GRID2: variants seen among roughly 807,000 people sequenced by gnomAD.
GRID2 encodes glutamate receptor ionotropic, delta-2.
Under a neutral mutation model 114.8 loss-of-function variants are expected in GRID2, and 33 were observed. The ratio of observed to expected loss-of-function variants is 0.29; its 90% CI spans 0.22 to 0.38. The LOEUF (loss-of-function observed/expected upper bound fraction) is 0.38, where lower values mean the gene tolerates loss of function less well. Ranked by LOEUF, GRID2 falls within the 10% of genes least tolerant of loss-of-function variation. The pLI is 1.00. For synonymous variants in GRID2, 505 were observed against 449.9 expected, an observed-to-expected ratio of 1.12 and a Z score of -1.55; for missense variants, 1,184 against 1,257.7, an observed-to-expected ratio of 0.94 and a Z score of 0.89.
intron 2 of GRID2, among the ~76,000 whole-genome samples, chr4:92,943,630 A>G (rs1035705638): frequency 6.6e-6 from 1 of 152,156 alleles, no homozygotes; most frequent in Admixed American, 6.5e-5. Flanking sequence ...GAGGAGCTGC[A>G]TTCCTTTGGA....
intron 1 of GRID2, among the ~76,000 whole-genome samples, chr4:92,543,935 T>G (rs1283455976): frequency 2.0e-5 from 3 of 152,180 alleles, no homozygotes; most frequent in African/African-American, 7.2e-5. Flanking sequence ...GAACCAGTTA[T>G]CCTAAGGGCT....
chr4:92,967,838 TA>T (rs1753257805), intron 2 of GRID2, among the ~76,000 whole-genome samples: 1 of 151,898 alleles, frequency 6.6e-6, no homozygotes, highest in African/African-American at 2.4e-5. Flanking sequence ...TGAGCAGCAA[TA>T]ATTCTCCTTG....
At chr4:92,831,557 T>C (rs1742104336) in intron 2 of GRID2, among the ~76,000 whole-genome samples, 1 of 151,814 alleles carries the variant, frequency 6.6e-6, no homozygotes, top group Admixed American at 6.6e-5. Context: ...CTTATTTTCC[T>C]TATCTATAAA....
At chr4:92,708,582 A>T (rs1203943443) in intron 2 of GRID2, among the ~76,000 whole-genome samples, 2 of 152,238 alleles carry the variant, frequency 1.3e-5, no homozygotes, top group East Asian at 1.9e-4. Flanking sequence ...ATTGTGTCTA[A>T]TTTTTTTGGA....
At chr4:93,520,141 C>A (rs1304260451) in intron 13 of GRID2, among the ~76,000 whole-genome samples, 1 of 152,138 alleles carries the variant, frequency 6.6e-6, no homozygotes, top group Non-Finnish European at 1.5e-5. Context: ...ATTCAGTGGA[C>A]TTGAACCTGC....
At chr4:92,668,589 G>T (rs186201391) in intron 2 of GRID2, among the ~76,000 whole-genome samples, 185 of 151,880 alleles carry the variant, frequency 1.2e-3, no homozygotes, top group African/African-American at 4.3e-3. Context: ...TTTTAGTTGA[G>T]CAATCTAGAT....
chr4:93,128,027 CAAAAAAAAAAA>C (rs1008311457), intron 4 of GRID2, among the ~76,000 whole-genome samples: 2 of 20,344 alleles, frequency 9.8e-5, no homozygotes, highest in South Asian at 3.0e-3. Flanking sequence ...TCCCCCGCAA[CAAAAAAAAAAA>C]AAAAAAAAAA....
intron 8 of GRID2, among the ~76,000 whole-genome samples, chr4:93,299,515 A>C (rs1416581498): frequency 7.5e-6 from 1 of 133,440 alleles, no homozygotes; most frequent in Non-Finnish European, 1.5e-5. Flanking sequence ...ACACATGGAC[A>C]CAGGAAGGGG....
chr4:93,023,817 G>A (rs976006785), intron 2 of GRID2, among the ~76,000 whole-genome samples: 1 of 151,704 alleles, frequency 6.6e-6, no homozygotes, highest in African/African-American at 2.4e-5. Flanking sequence ...ACTAAATAAT[G>A]TTCACATTAT....
At chr4:93,043,783 G>A (rs540356631) in intron 2 of GRID2, among the ~76,000 whole-genome samples, 3 of 152,096 alleles carry the variant, frequency 2.0e-5, no homozygotes, top group Non-Finnish European at 4.4e-5. Flanking sequence ...GGAGCGGGGA[G>A]GGAATAGCAT....
chr4:93,218,330 T>C (rs183147246), intron 6 of GRID2, among the ~76,000 whole-genome samples: 1 of 151,782 alleles, frequency 6.6e-6, no homozygotes, highest in African/African-American at 2.4e-5. Context: ...CAAAACCCCA[T>C]CTCTGAAAAA....
intron 2 of GRID2, among the ~76,000 whole-genome samples, chr4:92,772,862 A>G (rs1037565461): frequency 1.3e-5 from 2 of 152,286 alleles, no homozygotes; most frequent in Admixed American, 6.5e-5. Context: ...ATACACATCA[A>G]TTCTTACCTC....
intron 14 of GRID2, among the ~76,000 whole-genome samples, chr4:93,728,406 C>G (rs561456830): frequency 0.011 from 1,735 of 152,098 alleles, 11 homozygotes; most frequent in Non-Finnish European, 0.02. Flanking sequence ...TTACTTCCAA[C>G]TATGTGGTCA....
At chr4:93,329,109 G>A (rs1297268763) in intron 8 of GRID2, among the ~76,000 whole-genome samples, 1 of 152,068 alleles carries the variant, frequency 6.6e-6, no homozygotes, top group Non-Finnish European at 1.5e-5. Flanking sequence ...AGACTTAAGA[G>A]GAGAGCTAAG....
intron 2 of GRID2, among the ~76,000 whole-genome samples, chr4:92,627,104 C>G (rs544780182): frequency 2.2e-4 from 34 of 152,000 alleles, no homozygotes; most frequent in African/African-American, 7.5e-4. Flanking sequence ...GCAGAATCAA[C>G]AATAGAGCAT....
chr4:92,592,847 G>T (rs1034060802), intron 2 of GRID2, among the ~76,000 whole-genome samples: 1 of 151,552 alleles, frequency 6.6e-6, no homozygotes, highest in African/African-American at 2.4e-5. Context: ...ACGGTGGCTT[G>T]AAAAAAATAA....
chr4:92,450,001 C>A (rs76813567), intron 1 of GRID2, among the ~76,000 whole-genome samples: 396 of 151,850 alleles, frequency 2.6e-3, no homozygotes, highest in Non-Finnish European at 3.2e-3. Flanking sequence ...CTTGATTCAG[C>A]GTTTTAATAT....
chr4:93,595,408 T>C (rs113436210), intron 13 of GRID2, among the ~76,000 whole-genome samples: 1,963 of 152,314 alleles, frequency 0.013, 56 homozygotes, highest in African/African-American at 0.044. Flanking sequence ...AACCCAGCCC[T>C]GTATTTACTT....
chr4:93,350,778 C>G (rs759327652), intron 8 of GRID2, among the ~76,000 whole-genome samples: 1 of 152,040 alleles, frequency 6.6e-6, no homozygotes, highest in Non-Finnish European at 1.5e-5. Flanking sequence ...AAATCCCAGT[C>G]ATTGTTGAAA....
Sources: gnomAD v4.1 joint callset for allele counts (sites outside exome capture counted in the v4.1 genomes callset) on GRCh38, gnomAD v4.1.1 for gene constraint, MANE v1.5 for transcripts, NCBI Gene and HGNC (gene_info 2026-07-23, HGNC 2026-07-21) for gene names.